The following DROSHA variants were observed in gnomAD, a reference collection of about 807,000 sequenced individuals.
DROSHA encodes drosha ribonuclease III, also known as ribonuclease 3.
Under a neutral mutation model 181.9 loss-of-function variants are expected in DROSHA, and 56 were observed. The observed-to-expected ratio is 0.31, with a 90% CI of 0.25 to 0.38. The LOEUF is 0.38. DROSHA is among the 10% of genes least tolerant of loss of function. The pLI is 1.00. For missense variants in DROSHA, 1,218 were observed against 1,743.5 expected, an observed-to-expected ratio of 0.70 and a Z score of 5.37; for synonymous variants, 524 against 591.2, an observed-to-expected ratio of 0.89 and a Z score of 1.65.
At chr5:31,513,997 G>A (rs1434553440) in intron 8 of DROSHA, among the ~76,000 whole-genome samples, 1 of 152,138 alleles carries the variant, frequency 6.6e-6, no homozygotes, top group Non-Finnish European at 1.5e-5. Context: ...AAATAGTGGT[G>A]GAGTCTGTCA....
chr5:31,451,424 C>A (rs988041600), intron 21 of DROSHA, 109 bp downstream of exon 21: 2 of 916,190 alleles, frequency 2.2e-6, no homozygotes. Flanking sequence ...ATGTTTCTAA[C>A]AATCCTTGTC....
chr5:31,402,631 G>A (rs990258496), intron 35 of DROSHA, among the ~76,000 whole-genome samples: 1 of 152,108 alleles, frequency 6.6e-6, no homozygotes, highest in Non-Finnish European at 1.5e-5. Flanking sequence ...GATAAGGGGA[G>A]ATGACCATAT....
chr5:31,431,002 T>C (rs1035951034), intron 26 of DROSHA, among the ~76,000 whole-genome samples: 1 of 152,186 alleles, frequency 6.6e-6, no homozygotes, highest in Non-Finnish European at 1.5e-5. Context: ...CCTGTACCAA[T>C]GGCTAATTGT....
intron 11 of DROSHA, among the ~76,000 whole-genome samples, chr5:31,497,160 G>A (rs1484430115): frequency 1.3e-5 from 2 of 152,238 alleles, no homozygotes; most frequent in African/African-American, 4.8e-5. Flanking sequence ...GCAGGCATCT[G>A]AGGGTAGAGC....
chr5:31,454,189 C>T (rs1314494570), intron 20 of DROSHA, among the ~76,000 whole-genome samples: 2 of 152,050 alleles, frequency 1.3e-5, no homozygotes, highest in South Asian at 2.1e-4. Flanking sequence ...AGAGCTCTGC[C>T]GAATCTAATT....
chr5:31,521,127 C>T lies in DROSHA; in HGVS notation c.943G>A (p.Gly315Arg), dbSNP rs1195470543. The change falls in exon 6 of 36, where the codon GGA becomes AGA. Residue 315 changes from glycine to arginine, a missense_variant. Gly to Arg is a moderately radical substitution (Grantham distance 125). Around this residue, in one of 8 missense-constraint regions of DROSHA, gnomAD observed 536 missense variants for 535.4 expected, o/e 1.00. Coordinates refer to ENST00000344624, the MANE Select transcript of DROSHA (RefSeq NM_001382508.1). ...CAGTGTCAACTCCTTGCTTACCTTC[C>T]AGATCTCTTATACTCTTTTTTGTAG... ...RSYKKEYKRSGRSYGLSVVPE... is the reference protein window; with the variant it reads ...RSYKKEYKRSRRSYGLSVVPE... 1 of 1,613,324 alleles carries T rather than the reference C, an allele frequency of 6.2e-7. No homozygotes were observed. Among genetic ancestry groups the T allele is most frequent in the African/African-American group, 1.3e-5 (1 of 74,878 alleles).
chr5:31,418,510 C>T (rs749975352), intron 30 of DROSHA, among the ~76,000 whole-genome samples: 36 of 152,150 alleles, frequency 2.4e-4, no homozygotes, highest in Non-Finnish European at 4.6e-4. Context: ...CTCAAGCAAT[C>T]CTCCCAGGTT....
At chr5:31,426,169 A>T (rs1325931787) in intron 27 of DROSHA, among the ~76,000 whole-genome samples, 1 of 151,924 alleles carries the variant, frequency 6.6e-6, no homozygotes, top group Admixed American at 6.6e-5. Context: ...GACCAGACTA[A>T]TGCACCTGTC....
At chr5:31,485,635 T>TTAAA (rs370241937) in intron 14 of DROSHA, among the ~76,000 whole-genome samples, 3,768 of 136,008 alleles carry the variant, frequency 0.028, 171 homozygotes, top group African/African-American at 0.099. Context: ...AAAAGGAAGT[T>TTAAA]AAAAAAAAAA....
intron 10 of DROSHA, chr5:31,505,763 C>G (rs990852886): frequency 6.6e-6 from 1 of 152,192 alleles, no homozygotes; most frequent in Non-Finnish European, 1.5e-5. Flanking sequence ...TCCACTCCCA[C>G]TGCTTCTTCA....
chr5:31,484,921 T>A lies in DROSHA; in HGVS notation c.1956A>T (p.Leu652=). Residue 652 remains leucine, a synonymous_variant, in exon 15 of 36, where the codon CTA becomes CTT. Transcript: ENST00000344624. ...VKGLELFSLF[L]FRDILELYDW... ...CATATAATTCCAAAATATCTCTGAA[T>A]AGGAACAGTGAAAAGAGTTCAAGCC... The A allele has an allele frequency of 2.6e-6, 4 of 1,547,526 alleles. No individual in the cohort carries two copies. Among genetic ancestry groups the A allele is most frequent in the Non-Finnish European group, 3.5e-6 (4 of 1,145,994 alleles).
In DROSHA at chr5:31,466,041, T is replaced by C. The variant is rs538908678; in HGVS notation, c.2466+141A>G. ...TTTTTAAAATCAATTCGTATAATAA[T>C]GGGGGGAGGAGGGTAAAGTATGATT... is the stretch of plus-strand genomic sequence containing the variant. On this transcript the variant is annotated intron_variant, in intron 19 of 35. Coordinates refer to ENST00000344624, the MANE Select transcript of DROSHA (RefSeq NM_001382508.1). The C allele has an allele frequency of 5.9e-5, 46 of 781,824 alleles. No individual in the cohort carries two copies. In the African/African-American group the frequency reaches 7.6e-4, roughly 13 times the overall value. 48.4% of individuals were successfully genotyped at this position (781,824 alleles called of 1,614,324 possible).
chr5:31,459,639 C>T (rs1748149282), intron 20 of DROSHA, among the ~76,000 whole-genome samples: 1 of 152,204 alleles, frequency 6.6e-6, no homozygotes, highest in South Asian at 2.1e-4. Flanking sequence ...CTTCAACTTG[C>T]TGTCCAAAGT....
intron 23 of DROSHA, among the ~76,000 whole-genome samples, chr5:31,440,452 T>C (rs1413181712): frequency 2.0e-5 from 3 of 152,244 alleles, no homozygotes; most frequent in Non-Finnish European, 4.4e-5. Context: ...ACAACTGCTA[T>C]CATTTCACTT....
In DROSHA at chr5:31,442,005, T is replaced by G. The variant is rs188126711; in HGVS notation, c.2883-4707A>C. Among the ~76,000 whole-genome samples, 1,434 of 152,338 alleles carry G rather than the reference T, an allele frequency of 9.4e-3. 11 individuals carry two copies. Among genetic ancestry groups the G allele is most frequent in the Middle Eastern group, 0.017 (5 of 294 alleles). On this transcript the variant is annotated intron_variant, in intron 23 of 35. Coordinates refer to ENST00000344624, the MANE Select transcript of DROSHA (RefSeq NM_001382508.1). ...ATGACAATAAGTCATATTTAGTATA[T>G]GCTTGAAGTCATATACTATTTTAAC...
intron 16 of DROSHA, among the ~76,000 whole-genome samples, chr5:31,477,558 G>A (rs546274196): frequency 6.6e-6 from 1 of 152,292 alleles, no homozygotes; most frequent in African/African-American, 2.4e-5. Context: ...CCCACCTCCT[G>A]GCCCCCTGCC....
chr5:31,449,173 A>T, intron 22 of DROSHA, 108 bp downstream of exon 22: 1 of 1,374,448 alleles, frequency 7.3e-7, no homozygotes, highest in Non-Finnish European at 9.8e-7. Context: ...CTAGAATATG[A>T]GACGGTGAAA....
intron 18 of DROSHA, 86 bp from the exon 19 acceptor site, chr5:31,466,367 C>A: frequency 9.7e-7 from 1 of 1,030,666 alleles, no homozygotes; most frequent in Non-Finnish European, 1.5e-6. Flanking sequence ...GAGGCCTCTT[C>A]AAATCATACA....
intron 16 of DROSHA, among the ~76,000 whole-genome samples, chr5:31,478,243 T>A (rs1171773392): frequency 1.3e-5 from 2 of 152,136 alleles, no homozygotes; most frequent in African/African-American, 4.8e-5. Context: ...TGGGCCACAG[T>A]GGAAGAATTG....
Sources: allele counts gnomAD v4.1 joint callset (sites outside exome capture counted in the v4.1 genomes callset), GRCh38; gene constraint gnomAD v4.1.1; regional missense constraint gnomAD v4.1.1; transcripts MANE v1.5; gene names NCBI Gene and HGNC (gene_info 2026-07-23, HGNC 2026-07-21).